PRDM5: variants seen among roughly 807,000 people sequenced by gnomAD.
The protein encoded by PRDM5 is PR/SET domain 5.
In PRDM5, 56 loss-of-function variants were observed where a neutral mutation model predicts 81.2. The observed-to-expected ratio is 0.69, with a 90% CI of 0.56 to 0.86. The LOEUF (loss-of-function observed/expected upper bound fraction) is 0.86. PRDM5 is among the 40% of genes least tolerant of loss of function. PRDM5 has a pLI of 0.00. For synonymous variants in PRDM5, 267 were observed against 256.4 expected (o/e 1.04, Z -0.39); for missense variants, 697 against 770.1 (o/e 0.91, Z 1.12).
intron 9 of PRDM5, 70 bp from the exon 10 acceptor site, chr4:120,798,494 T>G: frequency 7.5e-7 from 1 of 1,341,732 alleles, no homozygotes; most frequent in South Asian, 1.3e-5. Flanking sequence ...AAAACACCCT[T>G]ACCTTATATT....
chr4:120,711,302 T>C (rs1030812807), intron 14 of PRDM5, among the ~76,000 whole-genome samples: 2 of 152,086 alleles, frequency 1.3e-5, no homozygotes, highest in African/African-American at 2.4e-5. Context: ...ATTTATGTAT[T>C]TCCTTTTTGT....
At chr4:120,751,871 C>T (rs1744061154) in intron 14 of PRDM5, among the ~76,000 whole-genome samples, 1 of 152,106 alleles carries the variant, frequency 6.6e-6, no homozygotes, top group Admixed American at 6.5e-5. Context: ...GTTGTCTTAC[C>T]AAAACTTCCT....
chr4:120,806,462 C>T (rs937271772), intron 8 of PRDM5, among the ~76,000 whole-genome samples: 1 of 152,178 alleles, frequency 6.6e-6, no homozygotes, highest in African/African-American at 2.4e-5. Context: ...TACAAGGCTA[C>T]AGTAACCAAA....
intron 10 of PRDM5, among the ~76,000 whole-genome samples, chr4:120,796,769 T>G (rs1751403722): frequency 6.6e-6 from 1 of 152,190 alleles, no homozygotes. Context: ...GAAATTGGTA[T>G]CATAATTTTT....
chr4:120,789,774 A>G (rs955175964), intron 10 of PRDM5, among the ~76,000 whole-genome samples: 1 of 152,232 alleles, frequency 6.6e-6, no homozygotes, highest in Non-Finnish European at 1.5e-5. Flanking sequence ...TTGAAACTGG[A>G]AAGATATTGA....
Position 120,693,549 on chromosome 4 carries a change from T to C in PRDM5, c.*1562A>G, listed in dbSNP as rs974698151. The C allele has an allele frequency of 6.6e-6, 1 of 152,114 alleles. No homozygotes were observed. Among genetic ancestry groups the C allele is most frequent in the Non-Finnish European group, 1.5e-5 (1 of 67,990 alleles). The allele number at this position is 152,114 out of a possible 1,614,324, so 9.4% of individuals were successfully genotyped here. A position where few individuals can be genotyped will look rare whatever the true frequency, so the allele number is the denominator to read the frequency against. On this transcript the variant is annotated 3_prime_UTR_variant, in exon 16 of 16. Transcript: ENST00000264808. ...CTAAACTATAATTTTAGGATTTATG[T>C]TTTTAAAAGTTATCTCTTCTGAGTT...
Position 120,799,742 on chromosome 4 carries a change from G to C in PRDM5, c.949C>G (p.His317Asp), listed in dbSNP as rs2149287377. ...ASSLQEHRKI[H>D]EIFDCQECMK... ...CATTCTTGACAATCAAATATCTCAT[G>C]AATCTGCAAAAGGTTAAATAGACAG... The change falls in exon 9 of 16, where the codon CAT becomes GAT. Residue 317 changes from histidine (H) to aspartate (D), a missense_variant. Physicochemically the swap from His to Asp is moderately conservative, Grantham distance 81. This residue lies in a region of PRDM5 where 577 missense variants were observed against 606.7 expected (regional missense o/e 0.95). Transcript: ENST00000264808. The C allele has an allele frequency of 6.2e-7, 1 of 1,611,922 alleles. No individual in the cohort carries two copies.
At chr4:120,816,686 A>G in intron 6 of PRDM5, 112 bp from the exon 7 acceptor site, 1 of 1,543,544 alleles carries the variant, frequency 6.5e-7, no homozygotes, top group Middle Eastern at 1.7e-4. Flanking sequence ...TTTCGGGGTC[A>G]TTCCATGCAT....
chr4:120,841,204 A>G (rs1042003265), intron 3 of PRDM5, among the ~76,000 whole-genome samples: 1 of 152,200 alleles, frequency 6.6e-6, no homozygotes, highest in Non-Finnish European at 1.5e-5. Flanking sequence ...TCAGAGTGAA[A>G]TATACTTGGC....
intron 2 of PRDM5, among the ~76,000 whole-genome samples, chr4:120,865,543 C>T (rs549471547): frequency 1.3e-5 from 2 of 152,184 alleles, no homozygotes; most frequent in African/African-American, 2.4e-5. Flanking sequence ...CACGGAGTCA[C>T]TCTACTCATC....
At chr4:120,912,313 A>T (rs1440577787) in intron 1 of PRDM5, among the ~76,000 whole-genome samples, 1 of 152,188 alleles carries the variant, frequency 6.6e-6, no homozygotes, top group African/African-American at 2.4e-5. Flanking sequence ...TATGCAGCAC[A>T]AATAAACCAG....
intron 3 of PRDM5, among the ~76,000 whole-genome samples, chr4:120,844,779 G>A (rs1758460617): frequency 6.6e-6 from 1 of 152,240 alleles, no homozygotes; most frequent in South Asian, 2.1e-4. Context: ...CTAAGCTTAT[G>A]AGGAAGGCAT....
Position 120,817,758 on chromosome 4 carries a change from G to A in PRDM5, c.650+595C>T, listed in dbSNP as rs139378089. Among the ~76,000 whole-genome samples the A allele has an allele frequency of 2.4e-3, 361 of 152,114 alleles. 1 individual carries two copies. Among genetic ancestry groups the A allele is most frequent in the African/African-American group, 8.4e-3 (349 of 41,516 alleles). On this transcript the variant is annotated intron_variant, in intron 5 of 15. Coordinates refer to ENST00000264808, the MANE Select transcript of PRDM5 (RefSeq NM_018699.4). Reference sequence around the variant, plus strand: ...TGATCCTGTAAAATATTTAAATAAAGATAATTTTATGTTGTTAATATAAAT... The same window carrying A: ...TGATCCTGTAAAATATTTAAATAAAAATAATTTTATGTTGTTAATATAAAT...
intron 14 of PRDM5, among the ~76,000 whole-genome samples, chr4:120,735,102 A>C (rs1292176706): frequency 6.6e-6 from 1 of 152,228 alleles, no homozygotes; most frequent in South Asian, 2.1e-4. Flanking sequence ...GGAGTTCTCT[A>C]TACATGTAAC....
intron 2 of PRDM5, among the ~76,000 whole-genome samples, chr4:120,890,482 C>A (rs1417946542): frequency 6.6e-6 from 1 of 152,074 alleles, no homozygotes; most frequent in Non-Finnish European, 1.5e-5. Flanking sequence ...GGGTATACAC[C>A]CAATAATGGG....
chr4:120,850,753 T>G (rs1446303357), intron 3 of PRDM5, among the ~76,000 whole-genome samples: 1 of 152,174 alleles, frequency 6.6e-6, no homozygotes, highest in East Asian at 1.9e-4. Context: ...TCATTAATAA[T>G]TTCTTGGAGT....
chr4:120,759,126 C>T (rs17051243), intron 13 of PRDM5, among the ~76,000 whole-genome samples: 1 of 150,994 alleles, frequency 6.6e-6, no homozygotes, highest in Non-Finnish European at 1.5e-5. Context: ...ATGAGGTCTA[C>T]GTAAATCACT....
chr4:120,811,366 T>A lies in PRDM5; in HGVS notation c.945+4A>T. ...AAACTGTGATGAATTTTTATCTTAC[T>A]GACCTTTCTATGTTCCTGTAGGCTT... On this transcript the variant is annotated splice_donor_region_variant and intron_variant, in intron 8 of 15. Transcript: ENST00000264808. 6.4e-7 allele frequency: 1 copy of A among 1,567,648 alleles called. No homozygotes were observed. Among genetic ancestry groups the A allele is most frequent in the Non-Finnish European group, 8.8e-7 (1 of 1,141,360 alleles).
intron 2 of PRDM5, among the ~76,000 whole-genome samples, chr4:120,867,646 T>A (rs1367342550): frequency 6.6e-6 from 1 of 152,232 alleles, no homozygotes; most frequent in Admixed American, 6.5e-5. Context: ...GGAAAACTGA[T>A]GCTCAAAAGG....
Sources: allele counts gnomAD v4.1 joint callset (sites outside exome capture counted in the v4.1 genomes callset), GRCh38; gene constraint gnomAD v4.1.1; regional missense constraint gnomAD v4.1.1; transcripts MANE v1.5; gene names NCBI Gene and HGNC (gene_info 2026-07-23, HGNC 2026-07-21).